UST: variants seen among roughly 807,000 people sequenced by gnomAD.
The protein encoded by UST is uronyl 2-sulfotransferase.
UST carries 21 observed loss-of-function variants against 45.6 expected under a neutral mutation model. The ratio of observed to expected loss-of-function variants is 0.46; its 90% CI spans 0.33 to 0.66. The LOEUF (loss-of-function observed/expected upper bound fraction) is 0.66, where lower values mean the gene tolerates loss of function less well. Among genes scored for constraint, UST ranks in the 30% least tolerant of loss-of-function variants. The probability of loss-of-function intolerance (pLI) is 0.02; values close to 1 mark genes in which losing one functional copy is unlikely to be tolerated. For synonymous variants in UST, 215 were observed against 200.6 expected, an observed-to-expected ratio of 1.07 and a Z score of -0.61; for missense variants, 463 against 512.4, an observed-to-expected ratio of 0.90 and a Z score of 0.93.
chr6:148,822,592 T>C (rs146355236), intron 1 of UST, among the ~76,000 whole-genome samples: 56 of 152,316 alleles, frequency 3.7e-4, no homozygotes, highest in African/African-American at 1.3e-3. Context: ...CCATGCATTG[T>C]CTCAAGGCAG....
At chr6:148,935,471 A>G (rs1582907871) in intron 2 of UST, among the ~76,000 whole-genome samples, 1 of 152,316 alleles carries the variant, frequency 6.6e-6, no homozygotes, top group Non-Finnish European at 1.5e-5. Context: ...ACATTAAAGT[A>G]GAGGATAGAG....
At chr6:148,883,143 A>G (rs576525024) in intron 1 of UST, among the ~76,000 whole-genome samples, 3 of 152,246 alleles carry the variant, frequency 2.0e-5, no homozygotes, top group Non-Finnish European at 4.4e-5. Flanking sequence ...ACAAAAAGTC[A>G]TTGAATAGAA....
At chr6:148,768,537 C>G (rs1776361231) in intron 1 of UST, among the ~76,000 whole-genome samples, 1 of 152,116 alleles carries the variant, frequency 6.6e-6, no homozygotes, top group Non-Finnish European at 1.5e-5. Context: ...TATATCCCAT[C>G]AGATACAAAT....
intron 1 of UST, among the ~76,000 whole-genome samples, chr6:148,865,944 T>C (rs1778420553): frequency 6.6e-6 from 1 of 152,128 alleles, no homozygotes; most frequent in African/African-American, 2.4e-5. Flanking sequence ...TAGACAATTA[T>C]CTCTTACATG....
At chr6:148,905,187 A>G (rs1269852622) in intron 2 of UST, among the ~76,000 whole-genome samples, 1 of 152,174 alleles carries the variant, frequency 6.6e-6, no homozygotes, top group Non-Finnish European at 1.5e-5. Context: ...AATGATGGGT[A>G]CAGATGGAGT....
At chr6:149,069,989 T>C (rs1256388672) in intron 7 of UST, among the ~76,000 whole-genome samples, 2 of 152,248 alleles carry the variant, frequency 1.3e-5, no homozygotes, top group East Asian at 1.9e-4. Flanking sequence ...GGCTGTGAAA[T>C]AGAACAGATT....
intron 2 of UST, among the ~76,000 whole-genome samples, chr6:148,887,362 C>T (rs1483102937): frequency 6.6e-6 from 1 of 152,230 alleles, no homozygotes; most frequent in Non-Finnish European, 1.5e-5. Context: ...GATAGCCACA[C>T]CCGGCCTCCC....
intron 1 of UST, among the ~76,000 whole-genome samples, chr6:148,779,128 CAACCAGAA>C (rs576251556): frequency 5.3e-5 from 7 of 132,646 alleles, no homozygotes; most frequent in Non-Finnish European, 1.2e-4. Context: ...TTTTTTTTTT[CAACCAGAA>C]AGTACTACCT....
intron 7 of UST, among the ~76,000 whole-genome samples, chr6:149,051,334 A>T (rs1024918416): frequency 6.6e-6 from 1 of 152,196 alleles, no homozygotes; most frequent in African/African-American, 2.4e-5. Flanking sequence ...GATGCAGCTG[A>T]CCAGACATGA....
At chr6:148,952,256 C>A (rs1052513290) in intron 3 of UST, among the ~76,000 whole-genome samples, 1 of 152,150 alleles carries the variant, frequency 6.6e-6, no homozygotes, top group Non-Finnish European at 1.5e-5. Flanking sequence ...AACAACGTGA[C>A]CACGCAGGAA....
chr6:149,007,008 G>A (rs1484184464), intron 5 of UST, among the ~76,000 whole-genome samples: 1 of 151,962 alleles, frequency 6.6e-6, no homozygotes, highest in African/African-American at 2.4e-5. Context: ...ATGAATGAAT[G>A]ACTTCTCTTA....
chr6:148,967,145 G>C (rs549038949), intron 5 of UST, among the ~76,000 whole-genome samples: 1 of 152,314 alleles, frequency 6.6e-6, no homozygotes, highest in Admixed American at 6.5e-5. Context: ...TGACTTGAGA[G>C]ATTGTAGAGA....
chr6:148,838,902 G>T (rs1777840917), intron 1 of UST, among the ~76,000 whole-genome samples: 1 of 152,104 alleles, frequency 6.6e-6, no homozygotes, highest in Non-Finnish European at 1.5e-5. Context: ...AAATAAAGGG[G>T]CCCCCAGCAG....
intron 5 of UST, among the ~76,000 whole-genome samples, chr6:149,010,399 A>T (rs1375957184): frequency 6.6e-6 from 1 of 152,190 alleles, no homozygotes. Flanking sequence ...TGTTTGAGTG[A>T]CACTGTGTTA....
intron 7 of UST, among the ~76,000 whole-genome samples, chr6:149,054,379 G>A (rs1776532401): frequency 1.3e-5 from 2 of 152,162 alleles, no homozygotes; most frequent in African/African-American, 2.4e-5. Context: ...GCTGATTCCT[G>A]GTTGCATGTT....
At chr6:148,886,879 C>A in intron 1 of UST, 107 bp from the exon 2 acceptor site, 2 of 937,958 alleles carry the variant, frequency 2.1e-6, no homozygotes, top group South Asian at 1.4e-5. Context: ...GTACTGTTGT[C>A]TGAGCAGAAA....
intron 7 of UST, among the ~76,000 whole-genome samples, chr6:149,052,047 G>T (rs1318229906): frequency 3.3e-5 from 5 of 152,160 alleles, no homozygotes; most frequent in Non-Finnish European, 7.3e-5. Context: ...GAATGTATAG[G>T]TGGGGAAAGT....
At chr6:148,759,720 C>T (rs1776171955) in intron 1 of UST, among the ~76,000 whole-genome samples, 1 of 150,432 alleles carries the variant, frequency 6.6e-6, no homozygotes, top group Non-Finnish European at 1.5e-5. Flanking sequence ...TGGTGGTGGG[C>T]GCTTGTAGCC....
At chr6:148,757,101 C>T (rs180734232) in intron 1 of UST, among the ~76,000 whole-genome samples, 37 of 152,312 alleles carry the variant, frequency 2.4e-4, no homozygotes, top group African/African-American at 7.7e-4. Context: ...GGGCTCAAGC[C>T]ATCCTCCCAC....
Sources: allele counts gnomAD v4.1 joint callset (sites outside exome capture counted in the v4.1 genomes callset), GRCh38; gene constraint gnomAD v4.1.1; transcripts MANE v1.5; gene names NCBI Gene and HGNC (gene_info 2026-07-23, HGNC 2026-07-21).